MEGF10: variants seen among roughly 807,000 people sequenced by gnomAD.
MEGF10 encodes the protein multiple epidermal growth factor-like domains protein 10.
A neutral mutation model predicts 147.5 loss-of-function variants in MEGF10; 86 were observed. The ratio of observed to expected loss-of-function variants is 0.58; its 90% confidence interval spans 0.49 to 0.70. MEGF10 has a LOEUF of 0.70. Ranked by LOEUF, MEGF10 falls within the 30% of genes least tolerant of loss-of-function variation. The pLI is 0.00. For missense variants in MEGF10, 1,329 were observed against 1,487.3 expected (o/e 0.89, Z 1.75); for synonymous variants, 478 against 525.5 (o/e 0.91, Z 1.24).
the MEGF10 span, among the ~76,000 whole-genome samples, chr5:127,277,878 A>C: frequency 6.6e-6 from 1 of 152,202 alleles, no homozygotes; most frequent in Non-Finnish European, 1.5e-5. Context: ...GGAGATGACA[A>C]GGATGAATTT....
At chr5:127,313,699 T>C (rs1320407502) in intron 1 of MEGF10, among the ~76,000 whole-genome samples, 1 of 152,210 alleles carries the variant, frequency 6.6e-6, no homozygotes, top group Non-Finnish European at 1.5e-5. Flanking sequence ...ATCAGCAATG[T>C]ACAGACTCAG....
Position 127,290,976 on chromosome 5 carries a change from C to T in MEGF10, c.-99C>T, listed in dbSNP as rs1284165472. 1 of 152,358 alleles carries T rather than the reference C, an allele frequency of 6.6e-6. No homozygotes were observed. The highest frequency in any genetic ancestry group is 1.5e-5 in the Non-Finnish European group (1 of 68,160). 9.4% of individuals were successfully genotyped at this position (152,358 alleles called of 1,614,324 possible). ...TGGACGCTAACCGCGTTGATTGGAA[C>T]AGATTTTGTGTCTTGGCTGGCTTTG... On this transcript the variant is annotated 5_prime_UTR_variant, in exon 1 of 25. Coordinates refer to ENST00000503335, the MANE Select transcript of MEGF10 (RefSeq NM_001256545.2).
intron 4 of MEGF10, among the ~76,000 whole-genome samples, chr5:127,351,481 G>C (rs1346955450): frequency 6.6e-6 from 1 of 152,024 alleles, no homozygotes; most frequent in African/African-American, 2.4e-5. Flanking sequence ...TTAGGCACAC[G>C]TAGTTTTGCG....
chr5:127,412,602 C>T (rs974352994), intron 9 of MEGF10, among the ~76,000 whole-genome samples: 11 of 152,050 alleles, frequency 7.2e-5, no homozygotes, highest in Non-Finnish European at 1.3e-4. Context: ...ATATTGAGTT[C>T]TATGGATATA....
chr5:127,376,391 G>A (rs1281059822), intron 5 of MEGF10, among the ~76,000 whole-genome samples: 1 of 152,180 alleles, frequency 6.6e-6, no homozygotes, highest in Non-Finnish European at 1.5e-5. Flanking sequence ...AGGCACCTGA[G>A]AAGACAGCTG....
chr5:127,322,167 G>C (rs968198104), intron 1 of MEGF10, among the ~76,000 whole-genome samples: 1 of 151,094 alleles, frequency 6.6e-6, no homozygotes, highest in African/African-American at 2.4e-5. Context: ...TCCATTTTCT[G>C]GGTCATTTTT....
chr5:127,310,010 CT>C (rs1486327692), intron 1 of MEGF10, among the ~76,000 whole-genome samples: 8 of 43,934 alleles, frequency 1.8e-4, no homozygotes, highest in African/African-American at 4.3e-4. Flanking sequence ...TCCTTCCTTC[CT>C]TTCTTTTTTT....
At chr5:127,357,421 C>G (rs1402748890) in intron 4 of MEGF10, among the ~76,000 whole-genome samples, 1 of 151,748 alleles carries the variant, frequency 6.6e-6, no homozygotes, top group Non-Finnish European at 1.5e-5. Context: ...ATCAAAATAG[C>G]TATATAAATG....
chr5:127,254,685 C>A, the MEGF10 span, among the ~76,000 whole-genome samples: 1 of 151,518 alleles, frequency 6.6e-6, no homozygotes, highest in Non-Finnish European at 1.5e-5. Context: ...GTGGTGCATG[C>A]CTGTAATCCA....
intron 4 of MEGF10, among the ~76,000 whole-genome samples, chr5:127,344,680 C>T (rs1385647758): frequency 3.3e-5 from 5 of 151,928 alleles, no homozygotes; most frequent in African/African-American, 1.2e-4. Context: ...GAAAATTCTC[C>T]GTTCTCTATG....
rs1766405150 is a variant in MEGF10 at position 127,457,345 on chromosome 5, G to A, written c.*27G>A. On this transcript the variant is annotated 3_prime_UTR_variant, in exon 25 of 25. Transcript: ENST00000503335. ...ACCAAAGGACCGCTTGGTAGCCACT[G>A]GAACCCTTTCCAGAACTGCTGTTTG... 6.2e-7 allele frequency: 1 copy of A among 1,602,374 alleles called. No individual in the cohort carries two copies. The highest frequency in any genetic ancestry group is 8.5e-7 in the Non-Finnish European group (1 of 1,176,016).
chr5:127,301,247 T>C (rs1055231919), intron 1 of MEGF10, among the ~76,000 whole-genome samples: 1 of 152,176 alleles, frequency 6.6e-6, no homozygotes, highest in African/African-American at 2.4e-5. Flanking sequence ...TCGTCCTTTT[T>C]CTCTTGAGAA....
chr5:127,331,684 A>G (rs1761268538), intron 2 of MEGF10, among the ~76,000 whole-genome samples: 2 of 152,202 alleles, frequency 1.3e-5, no homozygotes, highest in African/African-American at 4.8e-5. Context: ...CATTAATAGC[A>G]CAATTAAAAG....
intron 4 of MEGF10, among the ~76,000 whole-genome samples, chr5:127,353,503 C>T (rs1762161997): frequency 6.6e-6 from 1 of 152,214 alleles, no homozygotes; most frequent in African/African-American, 2.4e-5. Context: ...GAAGGCTGGC[C>T]ATACATTCTC....
chr5:127,338,885 A>C (rs1209016528), intron 2 of MEGF10, among the ~76,000 whole-genome samples: 1 of 152,114 alleles, frequency 6.6e-6, no homozygotes, highest in East Asian at 1.9e-4. Context: ...GGAGTAAAAG[A>C]GAATTTTCTT....
Position 127,433,361 on chromosome 5 carries a change from A to C in MEGF10, c.1694-2A>C. ...AGCCTTGCCCCATGTGCATTATTTC[A>C]GGTGTCCACTGTGACAGCGTGTGTG... On this transcript the variant is annotated splice_acceptor_variant, in intron 13 of 24. Coordinates refer to ENST00000503335, the MANE Select transcript of MEGF10 (RefSeq NM_001256545.2). LOFTEE classifies it high-confidence loss of function. The C allele has an allele frequency of 6.2e-7, 1 of 1,614,118 alleles. No individual in the cohort carries two copies. Among genetic ancestry groups the C allele is most frequent in the Non-Finnish European group, 8.5e-7 (1 of 1,180,012 alleles).
chr5:127,367,173 G>C (rs536482026), intron 4 of MEGF10, among the ~76,000 whole-genome samples: 1 of 152,094 alleles, frequency 6.6e-6, no homozygotes, highest in Non-Finnish European at 1.5e-5. Context: ...CAAATAAGTA[G>C]TGTGTGGAAG....
At chr5:127,316,540 G>A (rs539120215) in intron 1 of MEGF10, among the ~76,000 whole-genome samples, 2 of 152,148 alleles carry the variant, frequency 1.3e-5, no homozygotes, top group African/African-American at 4.8e-5. Flanking sequence ...CAATCATTTT[G>A]TTTCAACTCT....
In MEGF10 at chr5:127,420,141, C is replaced by T. The variant is rs1764939926; in HGVS notation, c.1524C>T (p.Asn508=). 1 of 1,614,094 alleles carries T rather than the reference C, an allele frequency of 6.2e-7. No homozygotes were observed. Among genetic ancestry groups the T allele is most frequent in the Admixed American group, 1.7e-5 (1 of 60,010 alleles). The part of the protein sequence containing the change: ...TCQCLNGGAC[N]TLDGTCTCAP... ...AGTGCCTCAACGGGGGAGCCTGCAA[C>T]ACCCTGGACGGGACCTGCACGTGTG... is the stretch of plus-strand genomic sequence containing the variant. The change falls in exon 12 of 25, where the codon AAC becomes AAT. Residue 508 remains asparagine (N), a synonymous_variant. Transcript: ENST00000503335.
Sources: gnomAD v4.1 joint callset for allele counts (sites outside exome capture counted in the v4.1 genomes callset) on GRCh38, gnomAD v4.1.1 for gene constraint, MANE v1.5 for transcripts, NCBI Gene and HGNC (gene_info 2026-07-23, HGNC 2026-07-21) for gene names.